The following KIAA1671 variants were observed in gnomAD, a reference collection of about 807,000 sequenced individuals.
KIAA1671 encodes the protein KIAA1671.
In KIAA1671, 52 loss-of-function variants were observed where a neutral mutation model predicts 131.2. The observed-to-expected ratio is 0.40, with a 90% CI of 0.32 to 0.50. The LOEUF (loss-of-function observed/expected upper bound fraction) is 0.50, where lower values mean the gene tolerates loss of function less well. Ranked by LOEUF, KIAA1671 falls within the 20% of genes least tolerant of loss-of-function variation. KIAA1671 has a pLI of 0.73. For synonymous variants in KIAA1671, 1,003 were observed against 961.6 expected, an observed-to-expected ratio of 1.04 and a Z score of -0.80; for missense variants, 2,360 against 2,364.2, an observed-to-expected ratio of 1.00 and a Z score of 0.04.
rs1926846477 is a variant in KIAA1671, at chr22:25,040,412, T to C, written c.3282T>C (p.His1094=). ...AAAACTGGATGAAGGGACGAGAGCA[T>C]GAAAATGCAAGCATTTTAAAAACTC... ...GSKNWMKGRE[H]ENASILKTLK... is the part of the protein sequence containing the mutation. The change falls in exon 5 of 13, where the codon CAT becomes CAC. Residue 1094 remains histidine, a synonymous_variant. Transcript: ENST00000358431. The C allele has an allele frequency of 9.0e-6, 14 of 1,551,876 alleles. No homozygotes were observed. In the South Asian group the frequency reaches 1.4e-4, roughly 16 times the overall value.
At chr22:24,974,973 C>T (rs1202964687) in intron 1 of KIAA1671, among the ~76,000 whole-genome samples, 3 of 151,908 alleles carry the variant, frequency 2.0e-5, no homozygotes, top group South Asian at 2.1e-4. Context: ...GGATTACAGG[C>T]GTGAGCCACC....
At chr22:24,958,455 G>A (rs1339084115) in intron 1 of KIAA1671, among the ~76,000 whole-genome samples, 1 of 151,964 alleles carries the variant, frequency 6.6e-6, no homozygotes, top group African/African-American at 2.4e-5. Flanking sequence ...TTCGAGAGCA[G>A]CCTGGCCAAC....
At chr22:25,177,921 G>A (rs995319473) in intron 9 of KIAA1671, among the ~76,000 whole-genome samples, 7 of 151,952 alleles carry the variant, frequency 4.6e-5, no homozygotes, top group East Asian at 1.9e-4. Context: ...CAGTGGGTCC[G>A]TGCTGACCCC....
chr22:25,041,360 A>G lies in KIAA1671; in HGVS notation c.4230A>G (p.Ser1410=). The G allele has an allele frequency of 6.4e-7, 1 of 1,551,732 alleles. No homozygotes were observed. The highest frequency in any genetic ancestry group is 8.7e-7 in the Non-Finnish European group (1 of 1,146,994). ...CGCTGGATATCAAGAGGGCCTACTCAGAGAAGGGGCCCCCTGCCAACATCC... is the reference window on the plus strand; with the variant it reads ...CGCTGGATATCAAGAGGGCCTACTCGGAGAAGGGGCCCCCTGCCAACATCC... ...RVPLDIKRAY[S]EKGPPANIRE... The change falls in exon 5 of 13, where the codon TCA becomes TCG. Residue 1410 remains serine (S), a synonymous_variant. Transcript: ENST00000358431.
At chr22:25,127,356 C>A (rs1932230999) in intron 6 of KIAA1671, among the ~76,000 whole-genome samples, 1 of 152,328 alleles carries the variant, frequency 6.6e-6, no homozygotes, top group South Asian at 2.1e-4. Flanking sequence ...ACAGGCTCCA[C>A]TGGTGTTTTA....
chr22:25,008,789 AG>A (rs546826896), intron 1 of KIAA1671, among the ~76,000 whole-genome samples: 1 of 152,224 alleles, frequency 6.6e-6, no homozygotes, highest in Non-Finnish European at 1.5e-5. Context: ...ATCTAAGGAC[AG>A]TGGAGCCCAA....
intron 6 of KIAA1671, among the ~76,000 whole-genome samples, chr22:25,133,172 C>T (rs1018568840): frequency 1.3e-5 from 2 of 152,090 alleles, no homozygotes; most frequent in Non-Finnish European, 2.9e-5. Flanking sequence ...ACATTAGGAA[C>T]CTCCAGACGT....
In KIAA1671 at chr22:24,978,350, C is replaced by G. The variant is rs1413401735; in HGVS notation, c.-208+25578C>G. Among the ~76,000 whole-genome samples, 9 of 152,154 alleles carry G rather than the reference C, an allele frequency of 5.9e-5. 1 individual carries two copies. The highest frequency in any genetic ancestry group is 2.1e-4 in the South Asian group (1 of 4,832). Reference sequence around the variant, plus strand: ...CTGCCATGTAAGAAGTGCCTTTTGCCTCCTGCCATGACTCTGAGGCCTCCC... The same window carrying G: ...CTGCCATGTAAGAAGTGCCTTTTGCGTCCTGCCATGACTCTGAGGCCTCCC... On this transcript the variant is annotated intron_variant, in intron 1 of 12. Coordinates refer to ENST00000358431, the MANE Select transcript of KIAA1671 (RefSeq NM_001145206.2).
intron 6 of KIAA1671, among the ~76,000 whole-genome samples, chr22:25,096,947 A>G (rs557649780): frequency 1.4e-4 from 21 of 152,356 alleles, no homozygotes; most frequent in African/African-American, 4.6e-4. Context: ...GCACATATCA[A>G]TAACTCGTTC....
At chr22:25,141,241 G>GT (rs1006241588) in intron 6 of KIAA1671, among the ~76,000 whole-genome samples, 11 of 150,550 alleles carry the variant, frequency 7.3e-5, no homozygotes, top group East Asian at 2.0e-4. Flanking sequence ...TTTGTTTTTT[G>GT]TTTTTTTTTG....
chr22:25,027,182 A>C (rs1925993357), intron 2 of KIAA1671, among the ~76,000 whole-genome samples: 1 of 152,026 alleles, frequency 6.6e-6, no homozygotes, highest in East Asian at 1.9e-4. Flanking sequence ...CAAATAATGA[A>C]AGCAGGTTGA....
intron 6 of KIAA1671, among the ~76,000 whole-genome samples, chr22:25,086,801 G>A (rs111343124): frequency 0.018 from 2,667 of 152,290 alleles, 31 homozygotes; most frequent in Middle Eastern, 0.051. Context: ...TCCCAGCGCC[G>A]TCTGGCTGTG....
At chr22:25,153,811 G>A (rs973117266) in intron 6 of KIAA1671, among the ~76,000 whole-genome samples, 1 of 152,206 alleles carries the variant, frequency 6.6e-6, no homozygotes, top group African/African-American at 2.4e-5. Context: ...GAGCCTTGAC[G>A]AATCAGAGAA....
chr22:25,068,166 TC>T (rs1231842415), intron 6 of KIAA1671, among the ~76,000 whole-genome samples: 1 of 149,358 alleles, frequency 6.7e-6, no homozygotes, highest in Non-Finnish European at 1.5e-5. Flanking sequence ...GGGCCGGCCT[TC>T]CGACTGTGCC....
intron 6 of KIAA1671, among the ~76,000 whole-genome samples, chr22:25,127,680 C>T (rs1020707332): frequency 6.6e-6 from 1 of 152,222 alleles, no homozygotes; most frequent in African/African-American, 2.4e-5. Context: ...CTATACACGC[C>T]TGGGAGCTGA....
chr22:25,148,308 C>T (rs1000307199), intron 6 of KIAA1671, among the ~76,000 whole-genome samples: 2 of 151,530 alleles, frequency 1.3e-5, no homozygotes, highest in Non-Finnish European at 2.9e-5. Context: ...AGTCCCAACC[C>T]TTCCTCAGTC....
intron 1 of KIAA1671, among the ~76,000 whole-genome samples, chr22:24,991,518 A>C (rs1923838379): frequency 6.7e-6 from 1 of 148,876 alleles, no homozygotes; most frequent in Admixed American, 6.7e-5. Context: ...CTGGAGTGGC[A>C]GGATCTCGGC....
Position 25,177,465 on chromosome 22 carries a change from A to G in KIAA1671, c.5017A>G (p.Ser1673Gly), listed in dbSNP as rs774023550. Residue 1673 changes from serine (S) to glycine (G), a missense_variant, in exon 9 of 13, where the codon AGC (serine) becomes GGC (glycine). Ser to Gly is a moderately conservative substitution (Grantham distance 56, BLOSUM62 0). Coordinates refer to ENST00000358431, the MANE Select transcript of KIAA1671 (RefSeq NM_001145206.2). ...GCGCAGCCGATTTAGTGAGTCCGAG[A>G]GCAGATCACCTTTGGAGGATGAGAC... ...LRRSRFSESESRSPLEDETDN... is the reference protein window; with the variant it reads ...LRRSRFSESEGRSPLEDETDN... 1 of 1,551,760 alleles carries G rather than the reference A, an allele frequency of 6.4e-7. No individual in the cohort carries two copies. Among genetic ancestry groups the G allele is most frequent in the South Asian group, 1.2e-5 (1 of 84,066 alleles).
At chr22:24,991,590 G>A (rs1923841898) in intron 1 of KIAA1671, among the ~76,000 whole-genome samples, 1 of 151,212 alleles carries the variant, frequency 6.6e-6, no homozygotes, top group Non-Finnish European at 1.5e-5. Context: ...CCGAGTAGCT[G>A]GGACTACAGG....
Sources: gnomAD v4.1 joint callset for allele counts (sites outside exome capture counted in the v4.1 genomes callset) on GRCh38, gnomAD v4.1.1 for gene constraint, MANE v1.5 for transcripts, NCBI Gene and HGNC (gene_info 2026-07-23, HGNC 2026-07-21) for gene names.